Variants in PDHX observed in about 807,000 individuals in gnomAD.
PDHX encodes pyruvate dehydrogenase protein X component, mitochondrial.
Under a neutral mutation model 55.3 loss-of-function variants are expected in PDHX, and 33 were observed. That is an observed-to-expected ratio of 0.60 (90% CI 0.45 to 0.80). The LOEUF (loss-of-function observed/expected upper bound fraction) is 0.80. Ranked by LOEUF, PDHX falls within the 30% of genes least tolerant of loss-of-function variation. The pLI is 0.00. For missense variants in PDHX, 622 were observed against 619.9 expected (o/e 1.00, Z -0.04); for synonymous variants, 226 against 219.4 (o/e 1.03, Z -0.27).
At chr11:34,984,031 A>C (rs1490724178) in intron 8 of PDHX, among the ~76,000 whole-genome samples, 1 of 152,242 alleles carries the variant, frequency 6.6e-6, no homozygotes, top group Admixed American at 6.5e-5. Context: ...ACTATAGTAC[A>C]AGGCTACAGT....
chr11:34,995,355 TAA>T lies in PDHX; in HGVS notation c.*185_*186del. 1.7e-6 allele frequency: 1 copy of T among 597,370 alleles called. No homozygotes were observed. Among genetic ancestry groups the T allele is most frequent in the South Asian group, 1.9e-5 (1 of 52,906 alleles). 37.0% of individuals were successfully genotyped at this position (597,370 alleles called of 1,614,324 possible). On this transcript the variant is annotated 3_prime_UTR_variant, in exon 11 of 11. Transcript: ENST00000227868. Reference sequence around the variant, plus strand: ...CAATTTGGGTTTAATGTTATAGAAATAAATGATGATAAACTCTAACTAATAAA... The same window carrying T: ...CAATTTGGGTTTAATGTTATAGAAATATGATGATAAACTCTAACTAATAAA...
rs1040473587 is a variant in PDHX, at chr11:34,992,198, C to T, written c.1183-117C>T. The T allele has an allele frequency of 1.2e-5, 8 of 640,286 alleles. No homozygotes were observed. The African/African-American group carries it at 1.3e-4, about 10-fold the overall frequency. The allele number at this position is 640,286 out of a possible 1,614,324, so 39.7% of individuals were successfully genotyped here. On this transcript the variant is annotated intron_variant, in intron 9 of 10. Transcript: ENST00000227868. ...GAGAAAATTATTTTTATATAGGTAA[C>T]AAAATCAAATCAAGGCATATCAGAG...
At chr11:34,941,546 G>A (rs1006014769) in intron 2 of PDHX, among the ~76,000 whole-genome samples, 77 of 152,102 alleles carry the variant, frequency 5.1e-4, no homozygotes, top group African/African-American at 1.8e-3. Flanking sequence ...TTTCTTTAAT[G>A]TTCATGTTAA....
intron 1 of PDHX, among the ~76,000 whole-genome samples, chr11:34,924,606 G>C (rs998792357): frequency 1.4e-4 from 21 of 152,116 alleles, no homozygotes; most frequent in African/African-American, 3.6e-4. Context: ...ACTTGTAGGT[G>C]GTGGATCTGA....
rs60625165 is a variant in PDHX, at chr11:34,969,634, C to T, written c.817-505C>T. Among the ~76,000 whole-genome samples the T allele has an allele frequency of 4.9e-3, 752 of 152,216 alleles. 14 individuals are homozygous for T. Among genetic ancestry groups the T allele is most frequent in the East Asian group, 0.045 (232 of 5,182 alleles). Reference sequence around the variant, plus strand: ...TCCTGAGATTACAGGTGTGAGCCACCGTGCCCAGCCCATTTCAGTTTTATT... The same window carrying T: ...TCCTGAGATTACAGGTGTGAGCCACTGTGCCCAGCCCATTTCAGTTTTATT... On this transcript the variant is annotated intron_variant, in intron 6 of 10. Coordinates refer to ENST00000227868, the MANE Select transcript of PDHX (RefSeq NM_003477.3).
In PDHX at chr11:34,936,611, A is replaced by G. The variant is rs1261400024; in HGVS notation, c.241+5127A>G. On this transcript the variant is annotated intron_variant, in intron 2 of 10. Coordinates refer to ENST00000227868, the MANE Select transcript of PDHX (RefSeq NM_003477.3). ...GATGTCACTGAGACATACTTTTGCAACAGCAGGTAGGTCTGGCTGCATTGG... is the reference window on the plus strand; with the variant it reads ...GATGTCACTGAGACATACTTTTGCAGCAGCAGGTAGGTCTGGCTGCATTGG... Among the ~76,000 whole-genome samples, 5 of 152,186 alleles carry G rather than the reference A, an allele frequency of 3.3e-5. No individual in the cohort carries two copies. In the East Asian group the frequency reaches 9.7e-4, roughly 29 times the overall value.
intron 2 of PDHX, among the ~76,000 whole-genome samples, chr11:34,935,069 G>A (rs7119958): frequency 0.19 from 28,778 of 151,894 alleles, 3,895 homozygotes; most frequent in African/African-American, 0.39. Context: ...AAACAAGATC[G>A]GTCATGAATC....
chr11:34,926,782 A>C (rs2133942279), intron 1 of PDHX, among the ~76,000 whole-genome samples: 1 of 148,178 alleles, frequency 6.7e-6, no homozygotes, highest in Middle Eastern at 3.6e-3. Context: ...GGATAAAAGA[A>C]ATACTTTAGG....
intron 5 of PDHX, among the ~76,000 whole-genome samples, chr11:34,962,606 T>C (rs952059836): frequency 1.3e-5 from 2 of 152,158 alleles, no homozygotes; most frequent in African/African-American, 2.4e-5. Context: ...AATAAAGCAA[T>C]AGTTATAATT....
chr11:34,982,007 G>T (rs1435923753), intron 8 of PDHX, among the ~76,000 whole-genome samples: 7 of 151,916 alleles, frequency 4.6e-5, no homozygotes, highest in Non-Finnish European at 7.4e-5. Flanking sequence ...TTAGTTTAAT[G>T]AGATCCCATT....
At chr11:34,948,172 A>C (rs998085474) in intron 3 of PDHX, among the ~76,000 whole-genome samples, 1 of 152,234 alleles carries the variant, frequency 6.6e-6, no homozygotes, top group African/African-American at 2.4e-5. Context: ...AGATTGAGAG[A>C]GTACATATAT....
At chr11:34,988,427 CCAAT>C (rs1328453152) in intron 9 of PDHX, among the ~76,000 whole-genome samples, 1 of 151,928 alleles carries the variant, frequency 6.6e-6, no homozygotes. Flanking sequence ...GCATCTGAAC[CCAAT>C]CAGACTGTAG....
intron 6 of PDHX, among the ~76,000 whole-genome samples, chr11:34,969,124 T>C (rs1855198128): frequency 6.6e-6 from 1 of 152,166 alleles, no homozygotes; most frequent in South Asian, 2.1e-4. Context: ...TTTGCCCAAC[T>C]ATAGGCTAAT....
intron 3 of PDHX, among the ~76,000 whole-genome samples, chr11:34,953,785 A>G (rs1035566355): frequency 1.3e-5 from 2 of 152,134 alleles, no homozygotes; most frequent in Non-Finnish European, 2.9e-5. Context: ...AAGTTACATA[A>G]CCTCTTCGTG....
intron 3 of PDHX, among the ~76,000 whole-genome samples, chr11:34,950,421 A>T (rs3118073): frequency 6.7e-6 from 1 of 149,492 alleles, no homozygotes; most frequent in Non-Finnish European, 1.5e-5. Flanking sequence ...CATGTGCACA[A>T]TGTGCAGGTT....
chr11:34,947,216 T>TG (rs1308272993), intron 2 of PDHX, among the ~76,000 whole-genome samples: 5 of 152,214 alleles, frequency 3.3e-5, no homozygotes, highest in Non-Finnish European at 7.3e-5. Context: ...TTGTTGCTGA[T>TG]GTCTTTAAGG....
intron 1 of PDHX, among the ~76,000 whole-genome samples, chr11:34,920,146 G>T (rs1853838416): frequency 6.6e-6 from 1 of 152,162 alleles, no homozygotes; most frequent in Non-Finnish European, 1.5e-5. Flanking sequence ...AATTGACACA[G>T]CATCTGTAAA....
Position 34,957,514 on chromosome 11 carries a change from A to T in PDHX, c.473A>T (p.Glu158Val), listed in dbSNP as rs750662542. The part of the protein sequence containing the change: ...GPPPPVSKPS[E>V]PRPSPEPQIS... ...CCACCACCAGTTTCAAAACCTTCAG[A>T]GCCTCGCCCCTCACCAGAACCACAG... The change falls in exon 4 of 11, where the codon GAG becomes GTG. Residue 158 changes from glutamate (E) to valine (V), a missense_variant. Transcript: ENST00000227868. The T allele has an allele frequency of 2.5e-6, 4 of 1,614,114 alleles. No individual in the cohort carries two copies. The highest frequency in any genetic ancestry group is 3.4e-6 in the Non-Finnish European group (4 of 1,179,988).
chr11:34,916,764 G>A lies in PDHX; in HGVS notation c.109G>A (p.Val37Ile), dbSNP rs780807263. ...GLVKGALGWS[V>I]SRGANWRWFH... is the part of the protein sequence containing the mutation. ...GGTGAAGGGGGCTCTTGGGTGGTCT[G>A]TAAGCCGCGGAGCTAATTGGAGATG... The change falls in exon 1 of 11, where the codon GTA (valine) becomes ATA (isoleucine). Residue 37 changes from valine to isoleucine, a missense_variant. By Grantham distance (29) the Val-to-Ile change is conservative. Transcript: ENST00000227868. 5 of 1,608,720 alleles carry A rather than the reference G, an allele frequency of 3.1e-6. No individual in the cohort carries two copies. Among genetic ancestry groups the A allele is most frequent in the Non-Finnish European group, 3.4e-6 (4 of 1,177,796 alleles).
Sources: allele counts gnomAD v4.1 joint callset (sites outside exome capture counted in the v4.1 genomes callset), GRCh38; gene constraint gnomAD v4.1.1; transcripts MANE v1.5; gene names NCBI Gene and HGNC (gene_info 2026-07-23, HGNC 2026-07-21).